Variants in FANCE observed in about 807,000 individuals in gnomAD.
FANCE encodes the protein Fanconi anemia group E protein.
In FANCE, 42 loss-of-function variants were observed where a neutral mutation model predicts 57.8. The observed-to-expected ratio is 0.73, with a 90% confidence interval of 0.57 to 0.94. The LOEUF is 0.94. Ranked by LOEUF, FANCE falls within the 40% of genes least tolerant of loss-of-function variation. The pLI, the probability that FANCE is intolerant of heterozygous loss-of-function variation, is 0.00. For missense variants in FANCE, 608 were observed against 661.8 expected (o/e 0.92, Z 0.89); for synonymous variants, 251 against 286.4 (o/e 0.88, Z 1.25).
In FANCE at chr6:35,455,782, A is replaced by G. The variant is rs149097636; in HGVS notation, c.284A>G (p.Gln95Arg). The change falls in exon 2 of 10, where the codon CAG becomes CGG. Residue 95 changes from glutamine to arginine, a missense_variant. Coordinates refer to ENST00000229769, the MANE Select transcript of FANCE (RefSeq NM_021922.3). ...TTGCTGCGATTGCCCCGGATATGCC[A>G]GAGGAACCTGATGTCCCTGCTGATG... ...PLLLRLPRIC[Q>R]RNLMSLLMAV... The G allele has an allele frequency of 1.3e-4, 203 of 1,614,184 alleles. 1 individual carries two copies. In the African/African-American group the frequency reaches 2.5e-3, roughly 20 times the overall value.
chr6:35,459,606 C>A, intron 6 of FANCE, 76 bp from the exon 7 acceptor site: 1 of 1,571,912 alleles, frequency 6.4e-7, no homozygotes, highest in South Asian at 1.1e-5. Context: ...GCTGGGCATT[C>A]TGTTACCGCC....
chr6:35,458,346 GTC>G lies in FANCE; in HGVS notation c.1022_1023del (p.Leu341ProfsTer13). The G allele has an allele frequency of 6.2e-7, 1 of 1,614,138 alleles. No homozygotes were observed. The highest frequency in any genetic ancestry group is 8.5e-7 in the Non-Finnish European group (1 of 1,180,040). On this transcript the variant is annotated frameshift_variant, in exon 5 of 10. Coordinates refer to ENST00000229769, the MANE Select transcript of FANCE (RefSeq NM_021922.3). LOFTEE classifies it high-confidence loss of function. ...CAGCTCCCTCAGCTCTCAGACCTCG[GTC>G]TCCTGCGGCTCTGCACCTGGCTGCT...
intron 8 of FANCE, 44 bp downstream of exon 8, chr6:35,460,662 A>G (rs557260261): frequency 1.3e-6 from 2 of 1,559,550 alleles, no homozygotes; most frequent in Admixed American, 1.7e-5. Context: ...GAAGTGCTGC[A>G]GTCCTTGGAA....
intron 1 of FANCE, among the ~76,000 whole-genome samples, chr6:35,455,007 A>T (rs1767268376): frequency 6.6e-6 from 1 of 152,254 alleles, no homozygotes; most frequent in Non-Finnish European, 1.5e-5. Flanking sequence ...GGAACACAAG[A>T]GCTGGACAGA....
intron 8 of FANCE, 109 bp from the exon 9 acceptor site, chr6:35,462,680 A>C (rs991786233): frequency 6.8e-7 from 1 of 1,478,906 alleles, no homozygotes; most frequent in Non-Finnish European, 9.3e-7. Flanking sequence ...TTACCTGCCC[A>C]GGGTCACCTA....
rs201500086 is a variant in FANCE, at chr6:35,459,432, T to G, written c.1215T>G (p.Pro405=). 3 of 1,614,144 alleles carry G rather than the reference T, an allele frequency of 1.9e-6. No homozygotes were observed. ...CTGTCTGCAGCGCCCTCCTTGACCC[T>G]GTGCTCCAGGCCCCAGGCACAGGTA... ...TYPVCSALLD[P]VLQAPGTGPA... Residue 405 remains proline, a synonymous_variant, in exon 6 of 10, where the codon CCT becomes CCG. Coordinates refer to ENST00000229769, the MANE Select transcript of FANCE (RefSeq NM_021922.3).
chr6:35,463,911 G>T (rs764887909), intron 9 of FANCE, among the ~76,000 whole-genome samples: 1 of 152,024 alleles, frequency 6.6e-6, no homozygotes, highest in South Asian at 2.1e-4. Context: ...TGATCAGCCC[G>T]CCTCGGCCTC....
At chr6:35,458,207 G>A (rs958312272) in intron 4 of FANCE, 90 bp from the exon 5 acceptor site, 2 of 1,551,878 alleles carry the variant, frequency 1.3e-6, no homozygotes, top group Admixed American at 1.7e-5. Context: ...TCTTTGCCCT[G>A]CTCTGTCTGC....
At chr6:35,459,837 C>A in intron 7 of FANCE, 77 bp downstream of exon 7, 1 of 1,335,744 alleles carries the variant, frequency 7.5e-7, no homozygotes, top group Non-Finnish European at 1.1e-6. Context: ...TGTGTTGGGC[C>A]CTGCAGGGAA....
chr6:35,462,712 G>T, intron 8 of FANCE, 77 bp from the exon 9 acceptor site: 1 of 1,600,300 alleles, frequency 6.2e-7, no homozygotes. Context: ...GTGGAGTTGG[G>T]AATTGAATCC....
At chr6:35,462,749 CCTTT>C (rs1561794439) in intron 8 of FANCE, 36 bp from the exon 9 acceptor site, 1 of 1,613,498 alleles carries the variant, frequency 6.2e-7, no homozygotes, top group Non-Finnish European at 8.5e-7. Context: ...AGAGCCCAAG[CCTTT>C]CTTGTGATTA....
At chr6:35,459,844 G>A in intron 7 of FANCE, 84 bp downstream of exon 7, 2 of 1,225,060 alleles carry the variant, frequency 1.6e-6, no homozygotes, top group Admixed American at 1.7e-5. Flanking sequence ...GGCCCTGCAG[G>A]GAAGGCTTAC....
intron 7 of FANCE, among the ~76,000 whole-genome samples, chr6:35,460,076 G>C (rs1182700237): frequency 1.4e-5 from 2 of 142,068 alleles, no homozygotes; most frequent in African/African-American, 2.6e-5. Context: ...GCTGGGGCTG[G>C]TGCCAGCATC....
intron 1 of FANCE, 134 bp from the exon 2 acceptor site, chr6:35,455,613 C>A (rs1767295171): frequency 9.2e-7 from 1 of 1,088,600 alleles, no homozygotes; most frequent in African/African-American, 1.5e-5. Flanking sequence ...ACCTGGCCAA[C>A]ATCCACTGAC....
intron 9 of FANCE, among the ~76,000 whole-genome samples, chr6:35,464,819 G>A (rs1183483918): frequency 2.8e-5 from 4 of 140,682 alleles, no homozygotes; most frequent in South Asian, 2.3e-4. Flanking sequence ...TGCAAGCTCC[G>A]CCTCCTGGGT....
chr6:35,453,475 TA>T (rs35275700), intron 1 of FANCE, among the ~76,000 whole-genome samples: 64 of 148,776 alleles, frequency 4.3e-4, no homozygotes, highest in African/African-American at 1.2e-3. Context: ...AACTTTTGCT[TA>T]AAAAAAAAAG....
Position 35,453,924 on chromosome 6 carries a change from C to T in FANCE, c.248+1131C>T, listed in dbSNP as rs192993406. Among the ~76,000 whole-genome samples, 27 of 152,304 alleles carry T rather than the reference C, an allele frequency of 1.8e-4. 1 individual carries two copies. The East Asian group carries it at 4.8e-3, about 27-fold the overall frequency. On this transcript the variant is annotated intron_variant, in intron 1 of 9. Coordinates refer to ENST00000229769, the MANE Select transcript of FANCE (RefSeq NM_021922.3). ...ATAATCCTAGATATTTTATCAAATG[C>T]ATTTAACACTCATTCTGATCACAGG...
At position 35,462,867 on chromosome 6, in the gene FANCE, G is replaced by A. The variant is rs1398836993; in HGVS notation, c.1462G>A (p.Ala488Thr). 6 of 1,614,244 alleles carry A rather than the reference G, an allele frequency of 3.7e-6. No individual in the cohort carries two copies. In the South Asian group the frequency reaches 6.6e-5, roughly 18 times the overall value. ...KKGLAATTSM[A>T]YAKLMLTVMT... ...GGGGCTGGCAGCCACCACCTCCATGGCCTATGCCAAGCTCATGCTGACAGT... is the reference window on the plus strand; with the variant it reads ...GGGGCTGGCAGCCACCACCTCCATGACCTATGCCAAGCTCATGCTGACAGT... Residue 488 changes from alanine to threonine, a missense_variant, in exon 9 of 10, where the codon GCC becomes ACC. Ala to Thr is a moderately conservative substitution (Grantham distance 58). Coordinates refer to ENST00000229769, the MANE Select transcript of FANCE (RefSeq NM_021922.3).
chr6:35,457,165 C>A (rs1305069734), intron 2 of FANCE, among the ~76,000 whole-genome samples: 5 of 151,988 alleles, frequency 3.3e-5, no homozygotes, highest in Non-Finnish European at 7.4e-5. Flanking sequence ...CCTCTCTTCT[C>A]CCCCAGGCTG....
Sources: gnomAD v4.1 joint callset for allele counts (sites outside exome capture counted in the v4.1 genomes callset) on GRCh38, gnomAD v4.1.1 for gene constraint, MANE v1.5 for transcripts, NCBI Gene and HGNC (gene_info 2026-07-23, HGNC 2026-07-21) for gene names.